The following GPR158 variants were observed in gnomAD, a reference collection of about 807,000 sequenced individuals.
GPR158 encodes the protein metabotropic glycine receptor.
GPR158 carries 30 observed loss-of-function variants against 78.2 expected under a neutral mutation model. The ratio of observed to expected loss-of-function variants is 0.38; its 90% CI spans 0.29 to 0.52. GPR158 has a LOEUF of 0.52. Ranked by LOEUF, GPR158 falls within the 20% of genes least tolerant of loss-of-function variation. GPR158 has a pLI of 0.83. For synonymous variants in GPR158, 581 were observed against 591.1 expected, an observed-to-expected ratio of 0.98 and a Z score of 0.25; for missense variants, 1,463 against 1,523.5, an observed-to-expected ratio of 0.96 and a Z score of 0.66.
At chr10:25,306,474 A>G (rs1217286889) in intron 2 of GPR158, among the ~76,000 whole-genome samples, 1 of 152,232 alleles carries the variant, frequency 6.6e-6, no homozygotes, top group African/African-American at 2.4e-5. Context: ...GGAGAATACA[A>G]GTGTTAATAG....
intron 5 of GPR158, among the ~76,000 whole-genome samples, chr10:25,540,767 G>A (rs952623267): frequency 2.7e-5 from 4 of 150,206 alleles, no homozygotes; most frequent in Non-Finnish European, 4.4e-5. Context: ...ACAGGAAGGG[G>A]AACATCACAC....
intron 2 of GPR158, among the ~76,000 whole-genome samples, chr10:25,336,554 T>C (rs1855210140): frequency 6.6e-6 from 1 of 152,066 alleles, no homozygotes; most frequent in East Asian, 1.9e-4. Flanking sequence ...GGATCCATAA[T>C]TGGTTTAACC....
chr10:25,435,189 G>A (rs1471561386), intron 4 of GPR158, among the ~76,000 whole-genome samples: 1 of 152,140 alleles, frequency 6.6e-6, no homozygotes, highest in African/African-American at 2.4e-5. Flanking sequence ...AACAAAACAG[G>A]CATCCTCTGT....
intron 2 of GPR158, among the ~76,000 whole-genome samples, chr10:25,312,916 T>C (rs1039537647): frequency 6.6e-6 from 1 of 152,060 alleles, no homozygotes; most frequent in African/African-American, 2.4e-5. Context: ...ATTTTTGCAT[T>C]ATCAGTAAAA....
intron 2 of GPR158, among the ~76,000 whole-genome samples, chr10:25,382,070 CA>C (rs1472176177): frequency 9.2e-5 from 14 of 152,150 alleles, no homozygotes; most frequent in Admixed American, 9.2e-4. Context: ...CTGCGGGGAG[CA>C]TGGGGTGTCA....
At chr10:25,393,732 C>T (rs926508619) in intron 2 of GPR158, 1 of 152,154 alleles carries the variant, frequency 6.6e-6, no homozygotes, top group African/African-American at 2.4e-5. Context: ...AGGAAGGACA[C>T]ACATGGAGTA....
chr10:25,217,552 A>G (rs1853234638), intron 1 of GPR158, among the ~76,000 whole-genome samples: 1 of 152,218 alleles, frequency 6.6e-6, no homozygotes, highest in South Asian at 2.1e-4. Flanking sequence ...ACAGGACCCA[A>G]GAGTATGCTA....
At chr10:25,203,348 C>T (rs891706934) in intron 1 of GPR158, among the ~76,000 whole-genome samples, 2 of 152,084 alleles carry the variant, frequency 1.3e-5, no homozygotes, top group South Asian at 2.1e-4. Flanking sequence ...TCCTGAATGG[C>T]ATTGCCTAGG....
At chr10:25,572,499 T>C (rs951307302) in intron 6 of GPR158, 150 bp from the exon 7 acceptor site, 3 of 665,884 alleles carry the variant, frequency 4.5e-6, no homozygotes, top group African/African-American at 3.6e-5. Flanking sequence ...CGAGACCCTG[T>C]CTCTACAACA....
At chr10:25,509,531 A>G (rs981590762) in intron 5 of GPR158, among the ~76,000 whole-genome samples, 3 of 152,096 alleles carry the variant, frequency 2.0e-5, no homozygotes, top group South Asian at 4.1e-4. Context: ...TAAGACATTT[A>G]CTGTTGGTGC....
At chr10:25,177,279 C>A (rs1588720324) in intron 1 of GPR158, among the ~76,000 whole-genome samples, 2 of 152,040 alleles carry the variant, frequency 1.3e-5, no homozygotes, top group Admixed American at 1.3e-4. Context: ...CTAGAAGCAA[C>A]CTTTAAGAGT....
At chr10:25,557,316 C>G (rs1166271990) in intron 6 of GPR158, among the ~76,000 whole-genome samples, 1 of 152,202 alleles carries the variant, frequency 6.6e-6, no homozygotes, top group Non-Finnish European at 1.5e-5. Flanking sequence ...CTCTCACTTC[C>G]TGCATTCGTC....
chr10:25,291,293 AC>A, intron 2 of GPR158, among the ~76,000 whole-genome samples: 1 of 152,200 alleles, frequency 6.6e-6, no homozygotes, highest in East Asian at 1.9e-4. Context: ...TAGCTATTAG[AC>A]ACGGGCCATA....
intron 7 of GPR158, among the ~76,000 whole-genome samples, chr10:25,581,589 C>G (rs1837199856): frequency 7.4e-6 from 1 of 135,844 alleles, no homozygotes; most frequent in East Asian, 1.9e-4. Flanking sequence ...AGAAGTAAAA[C>G]AGTTTCCACA....
chr10:25,351,271 G>A (rs1281512970), intron 2 of GPR158, among the ~76,000 whole-genome samples: 2 of 151,984 alleles, frequency 1.3e-5, no homozygotes, highest in Admixed American at 6.6e-5. Context: ...AAATAAAAAT[G>A]TGACCCCTTT....
At chr10:25,336,320 A>T (rs1272915199) in intron 2 of GPR158, among the ~76,000 whole-genome samples, 1 of 152,104 alleles carries the variant, frequency 6.6e-6, no homozygotes, top group Non-Finnish European at 1.5e-5. Context: ...AGCATGACAA[A>T]TATTATGAAT....
chr10:25,266,776 A>G (rs1854050305), intron 2 of GPR158, among the ~76,000 whole-genome samples: 1 of 152,148 alleles, frequency 6.6e-6, no homozygotes, highest in Admixed American at 6.6e-5. Context: ...CAGTTTTATA[A>G]CCTCATAAAT....
chr10:25,365,407 G>C (rs990929659), intron 2 of GPR158, among the ~76,000 whole-genome samples: 4 of 151,646 alleles, frequency 2.6e-5, no homozygotes, highest in Non-Finnish European at 5.9e-5. Context: ...TTCTGTACTT[G>C]ATTTGCTAAT....
chr10:25,549,977 T>C (rs981778561), intron 5 of GPR158, among the ~76,000 whole-genome samples: 4 of 152,188 alleles, frequency 2.6e-5, no homozygotes, highest in East Asian at 1.9e-4. Flanking sequence ...CCAGCAAAGA[T>C]TGAGAGTCTG....
Sources: gnomAD v4.1 joint callset for allele counts (sites outside exome capture counted in the v4.1 genomes callset) on GRCh38, gnomAD v4.1.1 for gene constraint, MANE v1.5 for transcripts, NCBI Gene and HGNC (gene_info 2026-07-23, HGNC 2026-07-21) for gene names.